VPS26A: variants seen among roughly 807,000 people sequenced by gnomAD.
VPS26A encodes the protein vacuolar protein sorting-associated protein 26A.
VPS26A carries 22 observed loss-of-function variants against 42.4 expected under a neutral mutation model. The observed-to-expected ratio is 0.52, with a 90% CI of 0.37 to 0.74. The LOEUF is 0.74. Among genes scored for constraint, VPS26A ranks in the 30% least tolerant of loss-of-function variants. VPS26A has a pLI of 0.00. For missense variants in VPS26A, 276 were observed against 379.2 expected, an observed-to-expected ratio of 0.73 and a Z score of 2.26; for synonymous variants, 110 against 123.5, an observed-to-expected ratio of 0.89 and a Z score of 0.73.
At chr10:69,136,425 C>T (rs1029072414) in intron 2 of VPS26A, among the ~76,000 whole-genome samples, 16 of 151,776 alleles carry the variant, frequency 1.1e-4, no homozygotes, top group African/African-American at 2.2e-4. Context: ...CCACGACATC[C>T]GGCTAATTTT....
At chr10:69,137,056 C>G (rs1349849469) in intron 2 of VPS26A, among the ~76,000 whole-genome samples, 2 of 152,206 alleles carry the variant, frequency 1.3e-5, no homozygotes, top group Admixed American at 6.5e-5. Flanking sequence ...TCCCAAAGTG[C>G]TGGGATTACA....
At chr10:69,163,223 C>T (rs552006095) in intron 6 of VPS26A, among the ~76,000 whole-genome samples, 7 of 152,232 alleles carry the variant, frequency 4.6e-5, no homozygotes, top group Admixed American at 1.3e-4. Flanking sequence ...TCATTTTGCA[C>T]GTGTGCAAGA....
At chr10:69,145,202 T>G (rs1841131786) in intron 2 of VPS26A, among the ~76,000 whole-genome samples, 2 of 151,938 alleles carry the variant, frequency 1.3e-5, no homozygotes, top group African/African-American at 4.8e-5. Context: ...ACCTGACTAA[T>G]TTTTATATTT....
chr10:69,125,178 G>A (rs1267889229), intron 1 of VPS26A, among the ~76,000 whole-genome samples: 1 of 152,102 alleles, frequency 6.6e-6, no homozygotes, highest in Non-Finnish European at 1.5e-5. Flanking sequence ...TGATTCAATA[G>A]ACTGCTTGAG....
At chr10:69,126,080 A>G (rs1290085299) in intron 1 of VPS26A, among the ~76,000 whole-genome samples, 2 of 152,208 alleles carry the variant, frequency 1.3e-5, no homozygotes, top group Admixed American at 6.5e-5. Flanking sequence ...TTTAACTTGC[A>G]TATTAATAGT....
intron 1 of VPS26A, among the ~76,000 whole-genome samples, chr10:69,128,776 C>T (rs982808809): frequency 2.0e-5 from 3 of 151,466 alleles, no homozygotes; most frequent in Admixed American, 6.6e-5. Context: ...GGGTGGATCA[C>T]TTGAGCCCAG....
chr10:69,142,037 C>T (rs1443781361), intron 2 of VPS26A, among the ~76,000 whole-genome samples: 1 of 152,092 alleles, frequency 6.6e-6, no homozygotes, highest in African/African-American at 2.4e-5. Flanking sequence ...GCGCATGCCA[C>T]CACGCCCGGC....
At chr10:69,165,536 G>A (rs1356391599) in intron 6 of VPS26A, among the ~76,000 whole-genome samples, 1 of 151,882 alleles carries the variant, frequency 6.6e-6, no homozygotes, top group Non-Finnish European at 1.5e-5. Flanking sequence ...GGCCAGGTGC[G>A]GTCGCTCACC....
At chr10:69,138,561 C>T (rs1840970968) in intron 2 of VPS26A, among the ~76,000 whole-genome samples, 1 of 152,174 alleles carries the variant, frequency 6.6e-6, no homozygotes, top group South Asian at 2.1e-4. Context: ...TAGTTGCATG[C>T]AAAGATTGCT....
chr10:69,164,426 C>G (rs879812989), intron 6 of VPS26A, among the ~76,000 whole-genome samples: 1 of 152,066 alleles, frequency 6.6e-6, no homozygotes, highest in Non-Finnish European at 1.5e-5. Flanking sequence ...CTACGTTGCC[C>G]AGGCTGGTTT....
At chr10:69,165,870 C>T (rs1454704434) in intron 6 of VPS26A, among the ~76,000 whole-genome samples, 172 bp from the exon 7 acceptor site, 1 of 151,942 alleles carries the variant, frequency 6.6e-6, no homozygotes, top group Admixed American at 6.6e-5. Context: ...TGCTTAAGCC[C>T]AGGAGGTTGA....
intron 2 of VPS26A, among the ~76,000 whole-genome samples, chr10:69,141,503 C>T (rs947944295): frequency 2.6e-5 from 4 of 152,314 alleles, no homozygotes; most frequent in South Asian, 2.1e-4. Context: ...CAGTCTTGTT[C>T]GTACCTCACC....
chr10:69,148,367 A>G (rs1224875656), intron 2 of VPS26A, among the ~76,000 whole-genome samples: 1 of 152,134 alleles, frequency 6.6e-6, no homozygotes, highest in Non-Finnish European at 1.5e-5. Context: ...AAGTCAACAC[A>G]GGGGTTGACT....
At position 69,171,449 on chromosome 10, in the gene VPS26A, G is replaced by T; in HGVS notation, c.*180G>T. ...ATGATATAATGAAATGTTCGTTCAT[G>T]TATATACATTTTTAAAAGTGCTTTC... is the stretch of plus-strand genomic sequence containing the variant. On this transcript the variant is annotated 3_prime_UTR_variant, in exon 9 of 9. Coordinates refer to ENST00000263559, the MANE Select transcript of VPS26A (RefSeq NM_004896.5). 2.1e-6 allele frequency: 1 copy of T among 468,248 alleles called. No homozygotes were observed. The highest frequency in any genetic ancestry group is 3.7e-6 in the Non-Finnish European group (1 of 270,982). 29.0% of individuals were successfully genotyped at this position (468,248 alleles called of 1,614,324 possible).
chr10:69,162,470 CAT>C lies in VPS26A; in HGVS notation c.619_620del (p.Met207GlyfsTer27). 1 of 1,574,172 alleles carries C rather than the reference CAT, an allele frequency of 6.4e-7. No individual in the cohort carries two copies. The highest frequency in any genetic ancestry group is 8.7e-7 in the Non-Finnish European group (1 of 1,148,418). The part of the protein sequence containing the change: ...YFLLVRIKIQ[H>X]MELQLIKKEI... Reference sequence around the variant, plus strand: ...CTTATTAGTAAGAATAAAAATACAACATATGGAGTTACAGCTGATCAAAAAAG... The same window carrying C: ...CTTATTAGTAAGAATAAAAATACAACATGGAGTTACAGCTGATCAAAAAAG... On this transcript the variant is annotated frameshift_variant, in exon 6 of 9. Coordinates refer to ENST00000263559, the MANE Select transcript of VPS26A (RefSeq NM_004896.5). LOFTEE classifies it high-confidence loss of function.
chr10:69,129,543 GAAA>G, intron 1 of VPS26A, among the ~76,000 whole-genome samples: 1 of 149,628 alleles, frequency 6.7e-6, no homozygotes, highest in East Asian at 1.9e-4. Flanking sequence ...GTGTCAAAAA[GAAA>G]AAAAAATTTT....
intron 2 of VPS26A, among the ~76,000 whole-genome samples, chr10:69,148,322 C>G (rs1302676480): frequency 6.6e-6 from 1 of 152,136 alleles, no homozygotes; most frequent in African/African-American, 2.4e-5. Context: ...TGACAAGCCA[C>G]TTAGAGTGAA....
chr10:69,144,705 T>A (rs868301430), intron 2 of VPS26A, among the ~76,000 whole-genome samples: 16 of 152,192 alleles, frequency 1.1e-4, no homozygotes, highest in South Asian at 8.3e-4. Context: ...TTCCAAGTTT[T>A]GCTCATTTTT....
intron 6 of VPS26A, among the ~76,000 whole-genome samples, chr10:69,164,487 G>A (rs1316869280): frequency 6.6e-6 from 1 of 152,126 alleles, no homozygotes; most frequent in Non-Finnish European, 1.5e-5. Flanking sequence ...AAATTGCTGG[G>A]TTTACAGGTG....
Sources: gnomAD v4.1 joint callset for allele counts (sites outside exome capture counted in the v4.1 genomes callset) on GRCh38, gnomAD v4.1.1 for gene constraint, MANE v1.5 for transcripts, NCBI Gene and HGNC (gene_info 2026-07-23, HGNC 2026-07-21) for gene names.